SMAD9: variants seen among roughly 807,000 people sequenced by gnomAD.
SMAD9 encodes MAD homolog 9.
In SMAD9, 36 loss-of-function variants were observed where a neutral mutation model predicts 46.1. The ratio of observed to expected loss-of-function variants is 0.78; its 90% CI spans 0.60 to 1.03. The LOEUF is 1.03. Among genes scored for constraint, SMAD9 ranks in the 50% least tolerant of loss-of-function variants. SMAD9 has a pLI of 0.00. For synonymous variants in SMAD9, 245 were observed against 237.1 expected (o/e 1.03, Z -0.31); for missense variants, 572 against 599.8 (o/e 0.95, Z 0.48).
In SMAD9 at chr13:36,848,240, AG is replaced by A. The variant is rs147498490; in HGVS notation, c.*435del. On this transcript the variant is annotated 3_prime_UTR_variant, in exon 7 of 7. Coordinates refer to ENST00000379826, the MANE Select transcript of SMAD9 (RefSeq NM_001127217.3). Reference sequence around the variant, plus strand: ...CTAAAAGTGACATCATTTAAACTGTAGGGGTTTCACTGCTTTGTTTCATCTG... The same window carrying A: ...CTAAAAGTGACATCATTTAAACTGTAGGGTTTCACTGCTTTGTTTCATCTG... The A allele has an allele frequency of 0.11, 19,352 of 171,096 alleles. 1,455 individuals are homozygous for A. Among genetic ancestry groups the A allele is most frequent in the Middle Eastern group, 0.2 (68 of 340 alleles). 10.6% of individuals were successfully genotyped at this position (171,096 alleles called of 1,614,324 possible). A position where few individuals can be genotyped will look rare whatever the true frequency, so the allele number is the denominator to read the frequency against.
At chr13:36,856,549 C>T (rs1262439289) in intron 5 of SMAD9, among the ~76,000 whole-genome samples, 1 of 152,194 alleles carries the variant, frequency 6.6e-6, no homozygotes, top group African/African-American at 2.4e-5. Flanking sequence ...GGAACCCAGC[C>T]TCAGGGTGAG....
At chr13:36,865,195 T>C (rs547465703) in intron 5 of SMAD9, among the ~76,000 whole-genome samples, 1 of 152,390 alleles carries the variant, frequency 6.6e-6, no homozygotes, top group East Asian at 1.9e-4. Flanking sequence ...GAAATGATCC[T>C]AGTTTGTAAG....
chr13:36,918,605 C>T (rs554071911), intron 1 of SMAD9, among the ~76,000 whole-genome samples: 5 of 152,304 alleles, frequency 3.3e-5, no homozygotes, highest in Admixed American at 2.0e-4. Context: ...TATCTGAAGC[C>T]TCCTTCTTGG....
chr13:36,860,588 T>C (rs541835267), intron 5 of SMAD9, among the ~76,000 whole-genome samples: 4 of 151,966 alleles, frequency 2.6e-5, no homozygotes, highest in African/African-American at 9.7e-5. Context: ...TAGCTGGGAC[T>C]ACAGGTGCCT....
At chr13:36,871,758 G>C (rs2058297708) in intron 3 of SMAD9, among the ~76,000 whole-genome samples, 1 of 152,096 alleles carries the variant, frequency 6.6e-6, no homozygotes, top group African/African-American at 2.4e-5. Context: ...GAGGTGAAGA[G>C]GCAATTCCCT....
chr13:36,905,517 A>G (rs1283111572), intron 1 of SMAD9, among the ~76,000 whole-genome samples: 4 of 152,226 alleles, frequency 2.6e-5, no homozygotes, highest in African/African-American at 7.2e-5. Flanking sequence ...GCACTTTGGG[A>G]TGCCAAGGCG....
chr13:36,902,272 T>C (rs1177512260), intron 1 of SMAD9, among the ~76,000 whole-genome samples: 1 of 152,214 alleles, frequency 6.6e-6, no homozygotes, highest in African/African-American at 2.4e-5. Flanking sequence ...CTGTTTTCCA[T>C]TGAATGGTCT....
At chr13:36,859,585 G>A (rs564610621) in intron 5 of SMAD9, among the ~76,000 whole-genome samples, 4 of 152,266 alleles carry the variant, frequency 2.6e-5, no homozygotes, top group Admixed American at 6.5e-5. Flanking sequence ...ATGCCATGGC[G>A]AACATGGTAA....
chr13:36,876,407 A>G (rs2058345749), intron 2 of SMAD9, among the ~76,000 whole-genome samples: 1 of 152,210 alleles, frequency 6.6e-6, no homozygotes, highest in African/African-American at 2.4e-5. Context: ...GTGCCAGGTA[A>G]AGTGTGTCTG....
At chr13:36,864,138 T>C (rs937823718) in intron 5 of SMAD9, among the ~76,000 whole-genome samples, 2 of 152,262 alleles carry the variant, frequency 1.3e-5, no homozygotes, top group Non-Finnish European at 2.9e-5. Context: ...AAAAATCATT[T>C]GAAAGTAAAG....
At chr13:36,861,808 A>T (rs1262354751) in intron 5 of SMAD9, among the ~76,000 whole-genome samples, 4 of 151,658 alleles carry the variant, frequency 2.6e-5, no homozygotes, top group African/African-American at 9.7e-5. Context: ...GTGCGCCTGT[A>T]ATCTCAGCTA....
Position 36,848,673 on chromosome 13 carries a change from C to G in SMAD9, c.*3G>C, listed in dbSNP as rs746503802. 20 of 1,614,006 alleles carry G rather than the reference C, an allele frequency of 1.2e-5. No homozygotes were observed. Among genetic ancestry groups the G allele is most frequent in the Non-Finnish European group, 1.7e-5 (20 of 1,179,950 alleles). On this transcript the variant is annotated 3_prime_UTR_variant, in exon 7 of 7. Coordinates refer to ENST00000379826, the MANE Select transcript of SMAD9 (RefSeq NM_001127217.3). ...TATGGAAATGCAGCTTAAGACATGACTGTTAAGACACTGAAGAAATGGGGT... is the reference window on the plus strand; with the variant it reads ...TATGGAAATGCAGCTTAAGACATGAGTGTTAAGACACTGAAGAAATGGGGT...
At chr13:36,859,528 G>C (rs1411361188) in intron 5 of SMAD9, among the ~76,000 whole-genome samples, 2 of 152,110 alleles carry the variant, frequency 1.3e-5, no homozygotes, top group Non-Finnish European at 2.9e-5. Context: ...AGTAACCTCT[G>C]GTCATTCTCA....
intron 1 of SMAD9, 47 bp from the exon 2 acceptor site, chr13:36,879,922 CAGAAAAAG>C: frequency 1.8e-6 from 1 of 563,336 alleles, no homozygotes; most frequent in Non-Finnish European, 3.2e-6. Context: ...GAGTAACATT[CAGAAAAAG>C]TTGAAGTTGG....
chr13:36,884,423 A>G (rs976816707), intron 1 of SMAD9, among the ~76,000 whole-genome samples: 4 of 152,118 alleles, frequency 2.6e-5, no homozygotes, highest in Admixed American at 2.6e-4. Flanking sequence ...GAAAGGACAC[A>G]CTTCACACAC....
chr13:36,846,371 A>T lies in SMAD9; in HGVS notation c.*2305T>A, dbSNP rs2058038437. The T allele has an allele frequency of 1.4e-5, 2 of 147,172 alleles. No homozygotes were observed. The highest frequency in any genetic ancestry group is 5.0e-5 in the African/African-American group (2 of 39,878). The allele number at this position is 147,172 out of a possible 1,614,324, so 9.1% of individuals were successfully genotyped here. ...TAGCCTGTAGTCCCAACTACTTGGG[A>T]GGCTGAGGCAGGAGAATCACTCGAA... On this transcript the variant is annotated 3_prime_UTR_variant, in exon 7 of 7. Transcript: ENST00000379826.
chr13:36,898,593 A>C (rs1430496921), intron 1 of SMAD9, among the ~76,000 whole-genome samples: 2 of 152,252 alleles, frequency 1.3e-5, no homozygotes, highest in African/African-American at 4.8e-5. Context: ...CAGAAATGCA[A>C]AACTGGTATT....
intron 1 of SMAD9, among the ~76,000 whole-genome samples, chr13:36,901,142 A>C (rs74519204): frequency 6.6e-6 from 1 of 152,210 alleles, no homozygotes; most frequent in Non-Finnish European, 1.5e-5. Flanking sequence ...ACATTTGTGC[A>C]AAAGTATCTG....
rs149073050 is a variant in SMAD9 at position 36,887,304 on chromosome 13, C to T, written c.-186-7429G>A. On this transcript the variant is annotated intron_variant, in intron 1 of 6. Transcript: ENST00000379826. ...GTGGCGCGATCTCAGCTCATTGCAA[C>T]CTCCACTTCCTGGGTTCAAGTGATG... 2.2e-3 allele frequency among the ~76,000 whole-genome samples: 327 copies of T among 147,234 alleles called. 1 individual carries two copies. The highest frequency in any genetic ancestry group is 7.7e-3 in the African/African-American group (307 of 39,918).
Sources: allele counts gnomAD v4.1 joint callset (sites outside exome capture counted in the v4.1 genomes callset), GRCh38; gene constraint gnomAD v4.1.1; transcripts MANE v1.5; gene names NCBI Gene and HGNC (gene_info 2026-07-23, HGNC 2026-07-21).